Variants in CCDC39 observed in about 807,000 individuals in gnomAD.
The protein encoded by CCDC39 is coiled-coil domain-containing protein 39.
A neutral mutation model predicts 121.0 loss-of-function variants in CCDC39; 113 were observed. The observed-to-expected ratio is 0.93, with a 90% CI of 0.80 to 1.09. The LOEUF (loss-of-function observed/expected upper bound fraction) is 1.09. Among genes scored for constraint, CCDC39 ranks in the 50% least tolerant of loss-of-function variants. The pLI is 0.00. For synonymous variants in CCDC39, 349 were observed against 352.2 expected (o/e 0.99, Z 0.10); for missense variants, 1,063 against 1,074.7 (o/e 0.99, Z 0.15).
chr3:180,619,583 C>T (rs1179454727), intron 15 of CCDC39, among the ~76,000 whole-genome samples: 2 of 151,378 alleles, frequency 1.3e-5, no homozygotes, highest in Non-Finnish European at 2.9e-5. Flanking sequence ...GAATTAATTA[C>T]CCTAGAGAGG....
chr3:180,650,409 A>G (rs1167755986), intron 9 of CCDC39, among the ~76,000 whole-genome samples: 1 of 152,246 alleles, frequency 6.6e-6, no homozygotes, highest in Non-Finnish European at 1.5e-5. Context: ...TTACAAAAAA[A>G]CAGTGATAAT....
intron 1 of CCDC39, among the ~76,000 whole-genome samples, chr3:180,667,435 T>C (rs1324924514): frequency 6.6e-6 from 1 of 152,184 alleles, no homozygotes; most frequent in Non-Finnish European, 1.5e-5. Context: ...AGCATGTGCT[T>C]ATTTTGTGTC....
chr3:180,675,372 T>G (rs1712166810), intron 1 of CCDC39, among the ~76,000 whole-genome samples: 1 of 152,194 alleles, frequency 6.6e-6, no homozygotes, highest in Non-Finnish European at 1.5e-5. Flanking sequence ...GTTCTCTCTT[T>G]TCTTCTTTAT....
Position 180,631,610 on chromosome 3 carries a change from C to A in CCDC39, c.1875-18G>T. 1 of 1,591,248 alleles carries A rather than the reference C, an allele frequency of 6.3e-7. No individual in the cohort carries two copies. The highest frequency in any genetic ancestry group is 1.1e-5 in the South Asian group (1 of 88,438). ...ACTCAGTGCTAATAAGAAAAAGAAA[C>A]ACTGAGAAATGAATAACATACTTTA... is the stretch of plus-strand genomic sequence containing the variant. On this transcript the variant is annotated intron_variant, in intron 13 of 19. Transcript: ENST00000476379.
chr3:180,650,657 G>A (rs1312618345), intron 9 of CCDC39, among the ~76,000 whole-genome samples: 1 of 151,908 alleles, frequency 6.6e-6, no homozygotes, highest in Non-Finnish European at 1.5e-5. Flanking sequence ...AGGAGTTTGA[G>A]GCCAGCCTGG....
At chr3:180,669,885 T>A (rs1576953613) in intron 1 of CCDC39, among the ~76,000 whole-genome samples, 2 of 152,280 alleles carry the variant, frequency 1.3e-5, no homozygotes, top group East Asian at 3.9e-4. Context: ...TTGAGCACTG[T>A]TAATGAAAGA....
intron 3 of CCDC39, 31 bp from the exon 4 acceptor site, chr3:180,660,759 GA>G (rs1424061516): frequency 1.3e-6 from 2 of 1,573,904 alleles, no homozygotes; most frequent in East Asian, 4.5e-5. Context: ...GAAAAGGGGA[GA>G]TTACAAAACA....
intron 8 of CCDC39, among the ~76,000 whole-genome samples, chr3:180,651,841 T>G (rs917263222): frequency 2.6e-5 from 4 of 152,060 alleles, no homozygotes; most frequent in Non-Finnish European, 5.9e-5. Flanking sequence ...ATCAAGACCA[T>G]CCTGGCTAAC....
intron 7 of CCDC39, 111 bp downstream of exon 7, chr3:180,654,651 A>C (rs1182817637): frequency 1.4e-6 from 1 of 693,992 alleles, no homozygotes; most frequent in African/African-American, 1.9e-5. Flanking sequence ...AAAGGAAAAA[A>C]AAAAAAAACT....
chr3:180,615,072 G>T lies in CCDC39; in HGVS notation c.2675C>A (p.Ser892Tyr). 6.5e-7 allele frequency: 1 copy of T among 1,530,322 alleles called. No individual in the cohort carries two copies. The highest frequency in any genetic ancestry group is 2.4e-5 in the East Asian group (1 of 41,546). 94.8% of individuals were successfully genotyped at this position (1,530,322 alleles called of 1,614,324 possible). ...PSHTSLSARSSRSTSTSTSQS... is the reference protein window; with the variant it reads ...PSHTSLSARSYRSTSTSTSQS... ...AGAAGTAGATGTACTTGTACTCCTA[G>T]ATGACCTAGAAGAAAAACCAGAATT... is the stretch of plus-strand genomic sequence containing the variant. Residue 892 changes from serine to tyrosine, a missense_variant, in exon 20 of 20, where the codon TCT becomes TAT. By Grantham distance (144) the Ser-to-Tyr change is moderately radical. Coordinates refer to ENST00000476379, the MANE Select transcript of CCDC39 (RefSeq NM_181426.2).
rs745878371 is a variant in CCDC39, at chr3:180,648,159, A to G, written c.1362+6T>C. ...TATGGAAGATATTCATAAAAGTAAC[A>G]TCTACCTGGCTGTACATAATTTCTT... On this transcript the variant is annotated splice_donor_region_variant and intron_variant, in intron 10 of 19. Coordinates refer to ENST00000476379, the MANE Select transcript of CCDC39 (RefSeq NM_181426.2). The G allele has an allele frequency of 1.2e-6, 2 of 1,604,880 alleles. No individual in the cohort carries two copies. The highest frequency in any genetic ancestry group is 1.7e-6 in the Non-Finnish European group (2 of 1,172,834).
Position 180,614,760 on chromosome 3 carries a change from A to G in CCDC39, c.*161T>C. The stretch of plus-strand genomic sequence containing the variant: ...ATTTCTTCAGTATGAAGAAAACAGT[A>G]GAGAAAATGAGAACGTTCCTTTTTT... On this transcript the variant is annotated 3_prime_UTR_variant, in exon 20 of 20. Transcript: ENST00000476379. The G allele has an allele frequency of 1.7e-6, 1 of 580,892 alleles. No homozygotes were observed. The allele number at this position is 580,892 out of a possible 1,614,324, so 36.0% of individuals were successfully genotyped here.
chr3:180,676,458 A>G (rs142975788), intron 1 of CCDC39, among the ~76,000 whole-genome samples: 5,865 of 78,032 alleles, frequency 0.075, no homozygotes, highest in East Asian at 0.12. Flanking sequence ...ATCTCACACC[A>G]GTTAGAATGG....
intron 6 of CCDC39, among the ~76,000 whole-genome samples, 161 bp from the exon 7 acceptor site, chr3:180,655,114 T>C (rs1711551024): frequency 1.3e-5 from 2 of 152,102 alleles, no homozygotes; most frequent in Non-Finnish European, 2.9e-5. Context: ...AACAAAATAT[T>C]AGTATGCTAC....
intron 14 of CCDC39, among the ~76,000 whole-genome samples, chr3:180,626,898 T>C (rs770841008): frequency 6.6e-6 from 1 of 152,136 alleles, no homozygotes; most frequent in Non-Finnish European, 1.5e-5. Context: ...AGCGTTAAAT[T>C]CTCAAAATGG....
At position 180,619,903 on chromosome 3, in the gene CCDC39, T is replaced by C; in HGVS notation, c.2066A>G (p.Glu689Gly). 6.2e-7 allele frequency: 1 copy of C among 1,610,972 alleles called. No homozygotes were observed. Among genetic ancestry groups the C allele is most frequent in the East Asian group, 2.2e-5 (1 of 44,802 alleles). The change falls in exon 15 of 20, where the codon GAA (glutamate) becomes GGA (glycine). Residue 689 changes from glutamate (E) to glycine (G), a missense_variant. Coordinates refer to ENST00000476379, the MANE Select transcript of CCDC39 (RefSeq NM_181426.2). ...ATTTTCTAGAGCGTAGATTTCTTTT[T>C]CAGCTTTGTTGATCTTGGCATCCAA... ...DCLDAKINKA[E>G]KEIYALENTL...
Position 180,616,631 on chromosome 3 carries a change from T to C in CCDC39, c.2471A>G (p.Gln824Arg). The C allele has an allele frequency of 6.3e-7, 1 of 1,596,086 alleles. No individual in the cohort carries two copies. The highest frequency in any genetic ancestry group is 1.1e-5 in the South Asian group (1 of 88,548). Reference sequence around the variant, plus strand: ...TTTCATTTCACGAAGTTTGATGTCTTGTTCTTCCATTGTTTCATCTTTTGT... The same window carrying C: ...TTTCATTTCACGAAGTTTGATGTCTCGTTCTTCCATTGTTTCATCTTTTGT... ...KDTKDETMEE[Q>R]DIKLREMKQF... The change falls in exon 18 of 20, where the codon CAA (glutamine) becomes CGA (arginine). Residue 824 changes from glutamine to arginine, a missense_variant. Coordinates refer to ENST00000476379, the MANE Select transcript of CCDC39 (RefSeq NM_181426.2).
intron 9 of CCDC39, among the ~76,000 whole-genome samples, chr3:180,649,884 T>C (rs1258154727): frequency 1.3e-5 from 2 of 152,228 alleles, no homozygotes; most frequent in Non-Finnish European, 2.9e-5. Flanking sequence ...TACAGGGAAT[T>C]ATGCTCTTAG....
chr3:180,620,387 A>T (rs1418120975), intron 14 of CCDC39, among the ~76,000 whole-genome samples: 1 of 152,050 alleles, frequency 6.6e-6, no homozygotes, highest in Non-Finnish European at 1.5e-5. Context: ...TAAAAGAGGT[A>T]AAATGGCATG....
Sources: gnomAD v4.1 joint callset for allele counts (sites outside exome capture counted in the v4.1 genomes callset) on GRCh38, gnomAD v4.1.1 for gene constraint, MANE v1.5 for transcripts, NCBI Gene and HGNC (gene_info 2026-07-23, HGNC 2026-07-21) for gene names.